Variants in ESRRG observed in about 807,000 individuals in gnomAD.
ESRRG encodes the protein estrogen related receptor gamma, also known as estrogen-related receptor gamma.
Under a neutral mutation model 44.0 loss-of-function variants are expected in ESRRG, and 13 were observed. The observed-to-expected ratio is 0.30, with a 90% CI of 0.19 to 0.47. The LOEUF is 0.47. ESRRG is among the 20% of genes least tolerant of loss of function. The pLI, the probability that ESRRG is intolerant of heterozygous loss-of-function variation, is 1.00. For missense variants in ESRRG, 395 were observed against 580.6 expected, an observed-to-expected ratio of 0.68 and a Z score of 3.29; for synonymous variants, 215 against 214.6, an observed-to-expected ratio of 1.00 and a Z score of -0.02.
intron 1 of ESRRG, among the ~76,000 whole-genome samples, chr1:217,028,245 T>C (rs1177959289): frequency 6.6e-6 from 1 of 152,286 alleles, no homozygotes; most frequent in African/African-American, 2.4e-5. Flanking sequence ...TACCTCTCCA[T>C]GTATAGACCT....
intron 1 of ESRRG, among the ~76,000 whole-genome samples, chr1:217,119,296 G>A (rs2092786796): frequency 6.6e-6 from 1 of 152,122 alleles, no homozygotes; most frequent in African/African-American, 2.4e-5. Flanking sequence ...GGCTGTTTGT[G>A]TCGTTATGAC....
intron 1 of ESRRG, among the ~76,000 whole-genome samples, chr1:217,133,182 G>C (rs1412196969): frequency 6.6e-6 from 1 of 152,270 alleles, no homozygotes; most frequent in East Asian, 1.9e-4. Context: ...AGAGCTGAGC[G>C]AGTGAGTCTC....
At chr1:216,672,232 A>G (rs777834010) in intron 2 of ESRRG, among the ~76,000 whole-genome samples, 41 of 152,350 alleles carry the variant, frequency 2.7e-4, no homozygotes, top group Non-Finnish European at 5.1e-4. Flanking sequence ...GAGCTGTCAA[A>G]GTTTTGTAAA....
intron 2 of ESRRG, among the ~76,000 whole-genome samples, chr1:216,866,383 A>G (rs2096159031): frequency 6.6e-6 from 1 of 152,120 alleles, no homozygotes; most frequent in Non-Finnish European, 1.5e-5. Flanking sequence ...TATTTAACAT[A>G]TATGTTCTTA....
At chr1:216,602,917 T>C (rs1354882842) in intron 3 of ESRRG, among the ~76,000 whole-genome samples, 1 of 152,206 alleles carries the variant, frequency 6.6e-6, no homozygotes, top group Admixed American at 6.5e-5. Flanking sequence ...AAACAGTTTT[T>C]CAGCTGTATT....
chr1:216,989,148 G>A (rs1486809258), intron 1 of ESRRG, among the ~76,000 whole-genome samples: 1 of 152,060 alleles, frequency 6.6e-6, no homozygotes, highest in Non-Finnish European at 1.5e-5. Context: ...AGATATCGGT[G>A]TCTTTTTATT....
chr1:216,551,456 A>G (rs536316914), intron 5 of ESRRG, among the ~76,000 whole-genome samples: 1 of 152,286 alleles, frequency 6.6e-6, no homozygotes, highest in Non-Finnish European at 1.5e-5. Context: ...TTCTCAGGCC[A>G]TATAAAATGT....
At chr1:216,943,740 T>C (rs2065637592) in intron 1 of ESRRG, among the ~76,000 whole-genome samples, 1 of 152,138 alleles carries the variant, frequency 6.6e-6, no homozygotes, top group Admixed American at 6.6e-5. Context: ...AAGATAACCC[T>C]AGCGTACAGC....
At chr1:216,962,381 C>T (rs929241055) in intron 1 of ESRRG, among the ~76,000 whole-genome samples, 3 of 152,120 alleles carry the variant, frequency 2.0e-5, no homozygotes, top group African/African-American at 7.2e-5. Context: ...GAAGACAGGG[C>T]TTAGTGTAGC....
chr1:217,068,674 AG>A (rs1335458801), intron 1 of ESRRG, among the ~76,000 whole-genome samples: 1 of 152,232 alleles, frequency 6.6e-6, no homozygotes, highest in African/African-American at 2.4e-5. Flanking sequence ...AAACAGTAGA[AG>A]GGAGTCGTTT....
intron 3 of ESRRG, among the ~76,000 whole-genome samples, chr1:216,624,366 A>G (rs183567653): frequency 2.0e-5 from 3 of 152,192 alleles, no homozygotes; most frequent in African/African-American, 7.2e-5. Flanking sequence ...CAGCCCTCTA[A>G]GAAACCTGTC....
At chr1:216,551,313 G>C (rs571965166) in intron 5 of ESRRG, among the ~76,000 whole-genome samples, 1 of 152,056 alleles carries the variant, frequency 6.6e-6, no homozygotes, top group African/African-American at 2.4e-5. Flanking sequence ...TATTGCACAT[G>C]GTATTTTTGT....
intron 5 of ESRRG, among the ~76,000 whole-genome samples, chr1:216,529,301 T>A (rs1418067502): frequency 6.6e-6 from 1 of 152,182 alleles, no homozygotes; most frequent in East Asian, 1.9e-4. Context: ...TATTTTGATA[T>A]GAACTTTGTT....
At chr1:216,888,402 C>A (rs116361509) in intron 2 of ESRRG, among the ~76,000 whole-genome samples, 1 of 152,130 alleles carries the variant, frequency 6.6e-6, no homozygotes, top group Non-Finnish European at 1.5e-5. Flanking sequence ...AGGAATAATT[C>A]GCTAAATTTC....
chr1:216,606,764 T>C (rs1453284789), intron 3 of ESRRG, among the ~76,000 whole-genome samples: 1 of 152,210 alleles, frequency 6.6e-6, no homozygotes, highest in Non-Finnish European at 1.5e-5. Flanking sequence ...ACCTGGTATG[T>C]AACACATACA....
intron 2 of ESRRG, among the ~76,000 whole-genome samples, chr1:216,791,488 C>T (rs140613045): frequency 6.6e-6 from 1 of 152,170 alleles, no homozygotes; most frequent in African/African-American, 2.4e-5. Context: ...TTTTTTATAG[C>T]AGTGCAGGAA....
intron 1 of ESRRG, among the ~76,000 whole-genome samples, chr1:217,038,581 G>C (rs960430131): frequency 6.6e-6 from 1 of 152,216 alleles, no homozygotes; most frequent in African/African-American, 2.4e-5. Flanking sequence ...TTTTAGCCAG[G>C]GCTGGAGCAG....
intron 2 of ESRRG, among the ~76,000 whole-genome samples, chr1:216,817,650 T>C (rs2095180194): frequency 6.6e-6 from 1 of 152,180 alleles, no homozygotes; most frequent in Non-Finnish European, 1.5e-5. Flanking sequence ...GCATTTTTTA[T>C]TTACCTTTAA....
At chr1:217,031,021 T>A (rs931861865) in intron 1 of ESRRG, among the ~76,000 whole-genome samples, 1 of 152,248 alleles carries the variant, frequency 6.6e-6, no homozygotes, top group African/African-American at 2.4e-5. Flanking sequence ...ATTGTATTTC[T>A]GTTGCACAGC....
Sources: gnomAD v4.1 joint callset for allele counts (sites outside exome capture counted in the v4.1 genomes callset) on GRCh38, gnomAD v4.1.1 for gene constraint, MANE v1.5 for transcripts, NCBI Gene and HGNC (gene_info 2026-07-23, HGNC 2026-07-21) for gene names.